Variants in CA8 observed in about 807,000 individuals in gnomAD.
CA8 encodes carbonic anhydrase 8 (inactive).
In CA8, 22 loss-of-function variants were observed where a neutral mutation model predicts 41.4. The ratio of observed to expected loss-of-function variants is 0.53; its 90% confidence interval spans 0.38 to 0.76. The LOEUF (loss-of-function observed/expected upper bound fraction) is 0.76, where lower values mean the gene tolerates loss of function less well. Ranked by LOEUF, CA8 falls within the 30% of genes least tolerant of loss-of-function variation. CA8 has a pLI of 0.00. For synonymous variants in CA8, 121 were observed against 130.6 expected, an observed-to-expected ratio of 0.93 and a Z score of 0.50; for missense variants, 270 against 352.8, an observed-to-expected ratio of 0.77 and a Z score of 1.88.
chr8:60,244,766 CTATTT>C (rs1808166581), intron 3 of CA8, among the ~76,000 whole-genome samples: 1 of 152,162 alleles, frequency 6.6e-6, no homozygotes, highest in Non-Finnish European at 1.5e-5. Context: ...AAAAACCACT[CTATTT>C]TAATTCCCAC....
intron 8 of CA8, among the ~76,000 whole-genome samples, chr8:60,205,321 G>A (rs931546492): frequency 1.3e-5 from 2 of 152,116 alleles, no homozygotes; most frequent in Non-Finnish European, 2.9e-5. Flanking sequence ...GGTCACAAGC[G>A]AGACAGTCTT....
rs376783484 is a variant in CA8, at chr8:60,197,548, C to T, written c.*36-7563G>A. On this transcript the variant is annotated intron_variant, in intron 8 of 8. Transcript: ENST00000317995. ...AAGTGATGAAACAAGAGACAGTTAT[C>T]AGTTAACGTTTTCAAGGTCACACAA... 2.0e-5 allele frequency among the ~76,000 whole-genome samples: 3 copies of T among 152,276 alleles called. No individual in the cohort carries two copies. In the East Asian group the frequency reaches 5.8e-4, roughly 29 times the overall value.
chr8:60,190,641 A>G (rs1433209548), intron 8 of CA8, among the ~76,000 whole-genome samples: 1 of 150,146 alleles, frequency 6.7e-6, no homozygotes, highest in African/African-American at 2.4e-5. Context: ...AAGGTAGGTA[A>G]TAAATCTCTA....
intron 7 of CA8, among the ~76,000 whole-genome samples, chr8:60,209,263 G>C (rs1297454892): frequency 6.6e-6 from 1 of 152,122 alleles, no homozygotes; most frequent in Admixed American, 6.5e-5. Context: ...AGGTGGGCAG[G>C]TCACAAGGTC....
rs1805975190 is a variant in CA8 at position 60,186,697 on chromosome 8, A to T, written c.*3324T>A. Among the ~76,000 whole-genome samples the T allele has an allele frequency of 6.6e-6, 1 of 152,038 alleles. No homozygotes were observed. The highest frequency in any genetic ancestry group is 2.4e-5 in the African/African-American group (1 of 41,454). On this transcript the variant is annotated 3_prime_UTR_variant, in exon 9 of 9. Coordinates refer to ENST00000317995, the MANE Select transcript of CA8 (RefSeq NM_004056.6). ...AGATTCAAAAATATAAATAAGTTGA[A>T]AGTGAAAAGATGAAAAAAGATACAT...
intron 3 of CA8, among the ~76,000 whole-genome samples, chr8:60,247,869 C>G (rs894613500): frequency 6.6e-6 from 1 of 152,222 alleles, no homozygotes; most frequent in Non-Finnish European, 1.5e-5. Flanking sequence ...ACATTCACAA[C>G]AACAGCATAA....
chr8:60,240,241 G>A lies in CA8; in HGVS notation c.418-7862C>T, dbSNP rs7462854. Among the ~76,000 whole-genome samples the A allele has an allele frequency of 4.6e-5, 7 of 152,276 alleles. No individual in the cohort carries two copies. The East Asian group carries it at 1.4e-3, about 29-fold the overall frequency. Reference sequence around the variant, plus strand: ...CAGCTGCAAAGAAACAAGGAAAAATGAGGACAGAAAGAGACTTTGGACCTA... The same window carrying A: ...CAGCTGCAAAGAAACAAGGAAAAATAAGGACAGAAAGAGACTTTGGACCTA... On this transcript the variant is annotated intron_variant, in intron 3 of 8. Transcript: ENST00000317995.
chr8:60,242,555 GA>G (rs757071197), intron 3 of CA8, among the ~76,000 whole-genome samples: 2 of 152,206 alleles, frequency 1.3e-5, no homozygotes, highest in Non-Finnish European at 2.9e-5. Flanking sequence ...TATCCGCAAA[GA>G]CAAGAAAAAC....
At chr8:60,234,651 A>C (rs1401849724) in intron 3 of CA8, among the ~76,000 whole-genome samples, 3 of 152,196 alleles carry the variant, frequency 2.0e-5, no homozygotes, top group Non-Finnish European at 4.4e-5. Flanking sequence ...TATGACCCCC[A>C]CATGTCCAGC....
At position 60,234,726 on chromosome 8, in the gene CA8, GTCT is replaced by G. The variant is rs562782243; in HGVS notation, c.418-2350_418-2348del. Among the ~76,000 whole-genome samples the G allele has an allele frequency of 2.3e-3, 355 of 152,260 alleles. 2 individuals carry two copies. The highest frequency in any genetic ancestry group is 4.8e-3 in the Admixed American group (73 of 15,300). On this transcript the variant is annotated intron_variant, in intron 3 of 8. Transcript: ENST00000317995. ...ACGCATCCTTCACTCTACCTTCTGG[GTCT>G]TCAATAACCACCTGAGTCTTGGCGG... is the stretch of plus-strand genomic sequence containing the variant.
At chr8:60,273,448 C>CA (rs1804133195) in intron 2 of CA8, among the ~76,000 whole-genome samples, 1 of 152,210 alleles carries the variant, frequency 6.6e-6, no homozygotes, top group South Asian at 2.1e-4. Flanking sequence ...CCATGCCACT[C>CA]AGAGAGCCTA....
rs1482163493 is a variant in CA8, at chr8:60,232,358, A to C, written c.439T>G (p.Ser147Ala). The change falls in exon 4 of 9, where the codon TCC becomes GCC. Residue 147 changes from serine to alanine, a missense_variant. Transcript: ENST00000317995. ...TCATCAATGCTGCCAAACAGAGTGGAGTTCCAGTGGATCAGATGGAGCTGA... is the reference window on the plus strand; with the variant it reads ...TCATCAATGCTGCCAAACAGAGTGGCGTTCCAGTGGATCAGATGGAGCTGA... ...PMELHLIHWN[S>A]TLFGSIDEAV... The C allele has an allele frequency of 2.5e-6, 4 of 1,613,892 alleles. No individual in the cohort carries two copies. In the East Asian group the frequency reaches 6.7e-5, roughly 27 times the overall value.
intron 3 of CA8, among the ~76,000 whole-genome samples, chr8:60,253,643 G>C (rs1416013110): frequency 6.6e-6 from 1 of 152,076 alleles, no homozygotes; most frequent in Non-Finnish European, 1.5e-5. Flanking sequence ...GAAGGAGTTA[G>C]GCCCTCCTCA....
chr8:60,197,083 C>A (rs371506999), intron 8 of CA8, among the ~76,000 whole-genome samples: 1 of 152,172 alleles, frequency 6.6e-6, no homozygotes, highest in Admixed American at 6.5e-5. Flanking sequence ...AAACATAGAA[C>A]TCTTGGGAAA....
At chr8:60,219,378 G>C (rs767616418) in intron 7 of CA8, among the ~76,000 whole-genome samples, 3 of 152,180 alleles carry the variant, frequency 2.0e-5, no homozygotes, top group South Asian at 2.1e-4. Flanking sequence ...GGCTGGTCTC[G>C]AACTCCTGAC....
chr8:60,270,872 A>G (rs1804048718), intron 2 of CA8, among the ~76,000 whole-genome samples: 1 of 152,206 alleles, frequency 6.6e-6, no homozygotes, highest in African/African-American at 2.4e-5. Flanking sequence ...CAATATTTTT[A>G]AACTGTCTTT....
At chr8:60,235,999 A>G (rs1253656712) in intron 3 of CA8, among the ~76,000 whole-genome samples, 1 of 152,174 alleles carries the variant, frequency 6.6e-6, no homozygotes, top group African/African-American at 2.4e-5. Flanking sequence ...CAGCGAAAAA[A>G]CTATGACAGG....
intron 2 of CA8, among the ~76,000 whole-genome samples, chr8:60,277,433 A>C (rs879566415): frequency 1.3e-5 from 2 of 151,888 alleles, no homozygotes; most frequent in Non-Finnish European, 2.9e-5. Flanking sequence ...GGCTCACTGC[A>C]ACCTCCGCCT....
rs368380583 is a variant in CA8 at position 60,208,768 on chromosome 8, G to A, written c.*17C>T. ...GACATACCCTCATGAAGACAGACTT[G>A]TTCCTGTCCTCTTTGGCTACTGAAA... On this transcript the variant is annotated 3_prime_UTR_variant, in exon 8 of 9. Coordinates refer to ENST00000317995, the MANE Select transcript of CA8 (RefSeq NM_004056.6). 7 of 1,613,928 alleles carry A rather than the reference G, an allele frequency of 4.3e-6. No individual in the cohort carries two copies. The Admixed American group carries it at 6.7e-5, about 15-fold the overall frequency.
Sources: gnomAD v4.1 joint callset for allele counts (sites outside exome capture counted in the v4.1 genomes callset) on GRCh38, gnomAD v4.1.1 for gene constraint, MANE v1.5 for transcripts, NCBI Gene and HGNC (gene_info 2026-07-23, HGNC 2026-07-21) for gene names.